RGS6: variants seen among roughly 807,000 people sequenced by gnomAD.
RGS6 encodes regulator of G protein signaling 6.
Under a neutral mutation model 78.5 loss-of-function variants are expected in RGS6, and 30 were observed. The ratio of observed to expected loss-of-function variants is 0.38; its 90% CI spans 0.29 to 0.52. The LOEUF is 0.52. RGS6 is among the 20% of genes least tolerant of loss of function. RGS6 has a pLI of 0.85. For synonymous variants in RGS6, 206 were observed against 206.0 expected (o/e 1.00, Z 0.00); for missense variants, 495 against 609.7 (o/e 0.81, Z 1.98).
chr14:71,904,103 C>T, the RGS6 span, among the ~76,000 whole-genome samples: 9 of 152,130 alleles, frequency 5.9e-5, no homozygotes, highest in Non-Finnish European at 1.0e-4. Flanking sequence ...TAATTGTCAG[C>T]CATCGTAGTG....
chr14:72,529,662 G>C (rs2097158868), intron 15 of RGS6, among the ~76,000 whole-genome samples: 1 of 151,704 alleles, frequency 6.6e-6, no homozygotes, highest in Admixed American at 6.6e-5. Context: ...CCCCCTCCCT[G>C]CAATCCCACA....
At chr14:72,138,628 G>A (rs765477283) in intron 2 of RGS6, among the ~76,000 whole-genome samples, 5 of 151,908 alleles carry the variant, frequency 3.3e-5, no homozygotes, top group Non-Finnish European at 7.4e-5. Flanking sequence ...AGCAGTGGGC[G>A]AGTAAGCAAA....
intron 7 of RGS6, among the ~76,000 whole-genome samples, chr14:72,466,823 A>G (rs1462087523): frequency 1.3e-5 from 2 of 152,226 alleles, no homozygotes; most frequent in African/African-American, 4.8e-5. Flanking sequence ...GACTTGTACA[A>G]AAGGAAAAAA....
At chr14:72,413,858 A>T (rs1160571603) in intron 3 of RGS6, among the ~76,000 whole-genome samples, 1 of 152,114 alleles carries the variant, frequency 6.6e-6, no homozygotes, top group East Asian at 1.9e-4. Context: ...GAAATTCTGG[A>T]TTGAAAATTC....
chr14:72,049,535 A>C (rs754599638), intron 2 of RGS6, among the ~76,000 whole-genome samples: 1 of 152,230 alleles, frequency 6.6e-6, no homozygotes, highest in Non-Finnish European at 1.5e-5. Flanking sequence ...AGATCCCATC[A>C]GTAGACAGAG....
chr14:72,061,294 T>A (rs2093881033), intron 2 of RGS6, among the ~76,000 whole-genome samples: 2 of 152,196 alleles, frequency 1.3e-5, no homozygotes. Context: ...CAGTATCCTT[T>A]GGTTGGGATT....
chr14:72,528,729 A>C (rs1000561613), intron 15 of RGS6, among the ~76,000 whole-genome samples: 1 of 152,190 alleles, frequency 6.6e-6, no homozygotes, highest in African/African-American at 2.4e-5. Flanking sequence ...AGAAAGAGAG[A>C]GAGCACGCGG....
At chr14:72,187,752 G>A (rs1272088871) in intron 2 of RGS6, among the ~76,000 whole-genome samples, 1 of 152,068 alleles carries the variant, frequency 6.6e-6, no homozygotes, top group Non-Finnish European at 1.5e-5. Context: ...GTGAAATGGG[G>A]GAAATCATAA....
chr14:71,961,710 A>G (rs2093212422), intron 1 of RGS6, among the ~76,000 whole-genome samples: 1 of 152,116 alleles, frequency 6.6e-6, no homozygotes. Flanking sequence ...TAATATTAAC[A>G]TGCTTTCTTT....
intron 2 of RGS6, among the ~76,000 whole-genome samples, chr14:72,225,659 T>A (rs2047959049): frequency 6.6e-6 from 1 of 152,114 alleles, no homozygotes; most frequent in Non-Finnish European, 1.5e-5. Flanking sequence ...AAAAGAAAAA[T>A]CAAACTTCCT....
chr14:72,330,282 T>C (rs143228080), intron 2 of RGS6, among the ~76,000 whole-genome samples: 154 of 152,290 alleles, frequency 1.0e-3, no homozygotes, highest in African/African-American at 3.5e-3. Context: ...GCCGGTGATA[T>C]CAGAGTGGCA....
intron 17 of RGS6, among the ~76,000 whole-genome samples, chr14:72,561,518 G>T (rs1349162462): frequency 6.6e-6 from 1 of 152,216 alleles, no homozygotes; most frequent in Non-Finnish European, 1.5e-5. Flanking sequence ...AATAAGCAAA[G>T]CGACGGAGCC....
the RGS6 span, among the ~76,000 whole-genome samples, chr14:72,599,393 C>CTTTTGTTTTTTT: frequency 1.2e-4 from 9 of 78,226 alleles, 3 homozygotes; most frequent in African/African-American, 4.5e-4. Context: ...CTTTTCTTTC[C>CTTTTGTTTTTTT]TTTTTTTTTT....
intron 2 of RGS6, among the ~76,000 whole-genome samples, chr14:72,247,447 C>T (rs775330517): frequency 1.4e-4 from 22 of 152,186 alleles, no homozygotes; most frequent in Non-Finnish European, 2.5e-4. Flanking sequence ...TCTAAAACTT[C>T]GGTCTGAGTG....
chr14:72,416,011 G>A (rs1597196673), intron 3 of RGS6, among the ~76,000 whole-genome samples: 1 of 151,930 alleles, frequency 6.6e-6, no homozygotes, highest in African/African-American at 2.4e-5. Flanking sequence ...AGCCAGGTGG[G>A]GTGTTGCGTG....
intron 2 of RGS6, among the ~76,000 whole-genome samples, chr14:72,274,231 C>T (rs1012004670): frequency 2.0e-5 from 3 of 152,168 alleles, no homozygotes; most frequent in Non-Finnish European, 4.4e-5. Flanking sequence ...TCATTGGCTC[C>T]GGAAATAGCT....
intron 2 of RGS6, among the ~76,000 whole-genome samples, chr14:72,268,090 A>G (rs933845675): frequency 6.6e-6 from 1 of 152,268 alleles, no homozygotes; most frequent in South Asian, 2.1e-4. Flanking sequence ...AGATATTTCT[A>G]TTGTATTTGT....
At chr14:72,400,298 T>C (rs1178180747) in intron 3 of RGS6, among the ~76,000 whole-genome samples, 5 of 152,216 alleles carry the variant, frequency 3.3e-5, no homozygotes, top group Non-Finnish European at 4.4e-5. Context: ...CAAAAGAGAT[T>C]ATGAAAGCTA....
At chr14:72,019,088 G>A (rs1372540767) in intron 2 of RGS6, among the ~76,000 whole-genome samples, 4 of 152,254 alleles carry the variant, frequency 2.6e-5, no homozygotes, top group South Asian at 4.2e-4. Context: ...CAGGCAGCAC[G>A]TGAAGTCCTT....
Sources: allele counts gnomAD v4.1 joint callset (sites outside exome capture counted in the v4.1 genomes callset), GRCh38; gene constraint gnomAD v4.1.1; transcripts MANE v1.5; gene names NCBI Gene and HGNC (gene_info 2026-07-23, HGNC 2026-07-21).